Variants in MACROD2 observed in about 807,000 individuals in gnomAD.
MACROD2 encodes mono-ADP ribosylhydrolase 2, also known as ADP-ribose glycohydrolase MACROD2.
Under a neutral mutation model 70.4 loss-of-function variants are expected in MACROD2, and 36 were observed. That is an observed-to-expected ratio of 0.51 (90% confidence interval 0.39 to 0.68). MACROD2 has a LOEUF of 0.68. Among genes scored for constraint, MACROD2 ranks in the 30% least tolerant of loss-of-function variants. The probability of loss-of-function intolerance (pLI) is 0.00; values close to 1 mark genes in which losing one functional copy is unlikely to be tolerated. For synonymous variants in MACROD2, 172 were observed against 178.8 expected (o/e 0.96, Z 0.30); for missense variants, 496 against 538.4 (o/e 0.92, Z 0.78).
chr20:15,711,260 T>C (rs2050622248), intron 8 of MACROD2, among the ~76,000 whole-genome samples: 1 of 152,318 alleles, frequency 6.6e-6, no homozygotes, highest in South Asian at 2.1e-4. Flanking sequence ...GGGTTGCACA[T>C]CTCTGTTCAG....
chr20:14,001,196 CTACTT>C (rs1263012796), intron 1 of MACROD2, among the ~76,000 whole-genome samples: 2 of 152,140 alleles, frequency 1.3e-5, no homozygotes, highest in Non-Finnish European at 2.9e-5. Context: ...TTTGGGCAAA[CTACTT>C]TGCTGTGCTT....
chr20:15,457,075 TA>T (rs1169271655), intron 7 of MACROD2, among the ~76,000 whole-genome samples: 41 of 90,778 alleles, frequency 4.5e-4, no homozygotes, highest in African/African-American at 1.3e-3. Flanking sequence ...TTTTTTTTTT[TA>T]AAAAAAAAGC....
At chr20:15,197,964 T>C (rs1235638574) in intron 5 of MACROD2, among the ~76,000 whole-genome samples, 1 of 94,868 alleles carries the variant, frequency 1.1e-5, no homozygotes, top group African/African-American at 5.2e-5. Context: ...GGCCTCCTTT[T>C]TTTTTTTTTT....
At chr20:14,555,927 A>G (rs1452430830) in intron 4 of MACROD2, among the ~76,000 whole-genome samples, 1 of 152,070 alleles carries the variant, frequency 6.6e-6, no homozygotes, top group East Asian at 1.9e-4. Context: ...TAATGAGATT[A>G]AAATCTTCTA....
chr20:15,369,713 T>A (rs565367945), intron 6 of MACROD2, among the ~76,000 whole-genome samples: 1 of 151,964 alleles, frequency 6.6e-6, no homozygotes, highest in African/African-American at 2.4e-5. Flanking sequence ...CAAAAAGAAG[T>A]GGAGAGGAGG....
intron 3 of MACROD2, among the ~76,000 whole-genome samples, chr20:14,204,184 C>T (rs1326178349): frequency 2.6e-5 from 4 of 152,194 alleles, no homozygotes; most frequent in African/African-American, 9.7e-5. Flanking sequence ...GGGCAAGTAG[C>T]TCTCAGGCTC....
chr20:14,199,313 G>A (rs1270256715), intron 3 of MACROD2, among the ~76,000 whole-genome samples: 1 of 152,130 alleles, frequency 6.6e-6, no homozygotes, highest in Non-Finnish European at 1.5e-5. Flanking sequence ...AAACCTGGAG[G>A]GCAGCCAGCC....
intron 5 of MACROD2, among the ~76,000 whole-genome samples, chr20:15,117,452 C>CT (rs1169631268): frequency 6.6e-6 from 1 of 152,150 alleles, no homozygotes; most frequent in African/African-American, 2.4e-5. Flanking sequence ...ATTTCCCTCT[C>CT]TTTTACATAC....
intron 6 of MACROD2, among the ~76,000 whole-genome samples, chr20:15,327,550 C>A (rs1246324241): frequency 6.6e-6 from 1 of 152,038 alleles, no homozygotes; most frequent in African/African-American, 2.4e-5. Context: ...GGGGGAAAAG[C>A]CCCTTATAAA....
At chr20:15,910,167 T>A (rs945063432) in intron 10 of MACROD2, among the ~76,000 whole-genome samples, 1 of 152,188 alleles carries the variant, frequency 6.6e-6, no homozygotes, top group East Asian at 1.9e-4. Context: ...AAAGTCACTT[T>A]CTCTCAAAAT....
chr20:14,678,106 T>C (rs1285470220), intron 4 of MACROD2, among the ~76,000 whole-genome samples: 1 of 152,190 alleles, frequency 6.6e-6, no homozygotes, highest in Non-Finnish European at 1.5e-5. Flanking sequence ...CACAGTCATT[T>C]AGGGACTCAG....
chr20:14,731,081 T>C (rs1180360989), intron 5 of MACROD2, among the ~76,000 whole-genome samples: 2 of 152,052 alleles, frequency 1.3e-5, no homozygotes, highest in South Asian at 4.1e-4. Flanking sequence ...TTTCAGGAAC[T>C]ATTTTCTGCT....
chr20:14,928,018 T>G (rs1429718417), intron 5 of MACROD2, among the ~76,000 whole-genome samples: 4 of 152,260 alleles, frequency 2.6e-5, no homozygotes, highest in Non-Finnish European at 4.4e-5. Flanking sequence ...CTTAGGATGA[T>G]GTGCTGCATT....
At chr20:15,464,147 C>T (rs2046854938) in intron 7 of MACROD2, among the ~76,000 whole-genome samples, 1 of 152,260 alleles carries the variant, frequency 6.6e-6, no homozygotes, top group East Asian at 1.9e-4. Context: ...CTCCTAAGCT[C>T]AAGCAATCCG....
rs1188843651 is a variant in MACROD2, at chr20:14,702,656, TATATGTGTATATATATATACAC to T, written c.418+17702_418+17723del. On this transcript the variant is annotated intron_variant, in intron 5 of 17. Coordinates refer to ENST00000684519, the MANE Select transcript of MACROD2 (RefSeq NM_001351661.2). ...ATATATGTATATATATATACACATA[TATATGTGTATATATATATACAC>T]ATATATGTGTATATATATGTATATA... 3.1e-3 allele frequency among the ~76,000 whole-genome samples: 243 copies of T among 79,562 alleles called. 8 individuals are homozygous for T. The highest frequency in any genetic ancestry group is 0.01 in the African/African-American group (233 of 22,632). 52.2% of individuals were successfully genotyped at this position (79,562 alleles called of 152,430 possible).
At chr20:15,603,794 C>G (rs767116393) in intron 8 of MACROD2, among the ~76,000 whole-genome samples, 2 of 152,156 alleles carry the variant, frequency 1.3e-5, no homozygotes, top group Non-Finnish European at 2.9e-5. Flanking sequence ...AAAGATTATT[C>G]ATGTTCAACC....
intron 2 of MACROD2, chr20:14,051,880 C>T (rs1434184494): frequency 1.9e-6 from 1 of 515,066 alleles, no homozygotes; most frequent in East Asian, 5.5e-5. Context: ...TTTCAATATG[C>T]CACATCTACT....
chr20:15,046,778 A>G (rs1434894411), intron 5 of MACROD2, among the ~76,000 whole-genome samples: 4 of 151,746 alleles, frequency 2.6e-5, no homozygotes, highest in Admixed American at 6.6e-5. Context: ...CTCTCTGTCT[A>G]CTCTTTCCAC....
At chr20:15,697,044 C>T (rs2050387058) in intron 8 of MACROD2, among the ~76,000 whole-genome samples, 1 of 151,880 alleles carries the variant, frequency 6.6e-6, no homozygotes, top group South Asian at 2.1e-4. Flanking sequence ...TTTTTTGTTC[C>T]AATTTCATTT....
Sources: allele counts gnomAD v4.1 joint callset (sites outside exome capture counted in the v4.1 genomes callset), GRCh38; gene constraint gnomAD v4.1.1; transcripts MANE v1.5; gene names NCBI Gene and HGNC (gene_info 2026-07-23, HGNC 2026-07-21).